ALS2: variants seen among roughly 807,000 people sequenced by gnomAD.
The protein encoded by ALS2 is alsin Rho guanine nucleotide exchange factor ALS2.
Under a neutral mutation model 203.4 loss-of-function variants are expected in ALS2, and 117 were observed. That is an observed-to-expected ratio of 0.58 (90% CI 0.50 to 0.67). ALS2 has a LOEUF of 0.67. Among genes scored for constraint, ALS2 ranks in the 30% least tolerant of loss-of-function variants. ALS2 has a pLI of 0.00. For missense variants in ALS2, 1,715 were observed against 1,989.4 expected, an observed-to-expected ratio of 0.86 and a Z score of 2.62; for synonymous variants, 718 against 725.9, an observed-to-expected ratio of 0.99 and a Z score of 0.17.
intron 12 of ALS2, among the ~76,000 whole-genome samples, chr2:201,735,587 T>C (rs532805380): frequency 1.6e-4 from 24 of 152,362 alleles, no homozygotes; most frequent in African/African-American, 5.8e-4. Context: ...ATTTTAAATA[T>C]TGACTTTGTA....
At chr2:201,702,397 C>T (rs1689447763) in intron 33 of ALS2, among the ~76,000 whole-genome samples, 1 of 143,456 alleles carries the variant, frequency 7.0e-6, no homozygotes, top group Non-Finnish European at 1.5e-5. Flanking sequence ...ATCCAGATAA[C>T]ATGTAACATT....
intron 5 of ALS2, among the ~76,000 whole-genome samples, chr2:201,754,994 G>T (rs369554155): frequency 6.6e-5 from 10 of 152,178 alleles, no homozygotes; most frequent in African/African-American, 2.2e-4. Flanking sequence ...TTTAGCCACA[G>T]AAACCTTTTC....
intron 7 of ALS2, among the ~76,000 whole-genome samples, chr2:201,751,703 T>C (rs563966556): frequency 1.2e-4 from 19 of 152,328 alleles, no homozygotes; most frequent in African/African-American, 4.3e-4. Flanking sequence ...TTTCCAGTTT[T>C]GATGTTATGT....
chr2:201,712,457 T>C (rs1690088452), intron 25 of ALS2, among the ~76,000 whole-genome samples: 1 of 152,250 alleles, frequency 6.6e-6, no homozygotes, highest in Non-Finnish European at 1.5e-5. Flanking sequence ...CAATTTTTCT[T>C]CAATTCCCTT....
At chr2:201,741,082 T>A (rs1433723661) in intron 11 of ALS2, 1 of 154,604 alleles carries the variant, frequency 6.5e-6, no homozygotes, top group African/African-American at 2.4e-5. Context: ...CCTCACATCA[T>A]CATATCAAAA....
Position 201,761,263 on chromosome 2 carries a change from T to A in ALS2, c.731A>T (p.Asp244Val), listed in dbSNP as rs769909842. 29 of 1,614,048 alleles carry A rather than the reference T, an allele frequency of 1.8e-5. No individual in the cohort carries two copies. Among genetic ancestry groups the A allele is most frequent in the Non-Finnish European group, 2.3e-5 (27 of 1,180,054 alleles). Residue 244 changes from aspartate (D) to valine (V), a missense_variant, in exon 4 of 34, where the codon GAC becomes GTC. Asp to Val is a radical substitution (Grantham distance 152). Coordinates refer to ENST00000264276, the MANE Select transcript of ALS2 (RefSeq NM_020919.4). ...TGATATAATCACATGGTCTTCTTTG[T>A]CAGTCATAGTAATCAAGAGCTGGCT... Reference protein sequence around the residue: ...QCSQLLITMTDKEDHVIISDS... With the variant: ...QCSQLLITMTVKEDHVIISDS...
At chr2:201,718,322 C>T (rs1297908547) in intron 23 of ALS2, 112 bp from the exon 24 acceptor site, 21 of 1,207,624 alleles carry the variant, frequency 1.7e-5, no homozygotes, top group African/African-American at 6.1e-5. Flanking sequence ...TGCAGTGATG[C>T]GATCTTGGCT....
At chr2:201,708,820 G>GTCT (rs1250014697) in intron 27 of ALS2, among the ~76,000 whole-genome samples, 1 of 152,026 alleles carries the variant, frequency 6.6e-6, no homozygotes, top group Non-Finnish European at 1.5e-5. Context: ...GCAATATGCA[G>GTCT]TCTTCTCTAT....
Position 201,711,236 on chromosome 2 carries a change from C to T in ALS2, c.4005-128G>A, listed in dbSNP as rs546965252. The T allele has an allele frequency of 1.8e-4, 118 of 668,210 alleles. 2 individuals are homozygous for T. Among genetic ancestry groups the T allele is most frequent in the South Asian group, 1.6e-3 (95 of 60,658 alleles). The allele number at this position is 668,210 out of a possible 1,614,324, so 41.4% of individuals were successfully genotyped here. A position where few individuals can be genotyped will look rare whatever the true frequency, so the allele number is the denominator to read the frequency against. ...GCATCCAACGTAGTACTAAACCCAA[C>T]GAACTCAGAAATCATCACGATCCTG... On this transcript the variant is annotated intron_variant, in intron 25 of 33. Coordinates refer to ENST00000264276, the MANE Select transcript of ALS2 (RefSeq NM_020919.4).
intron 13 of ALS2, 26 bp from the exon 14 acceptor site, chr2:201,729,209 A>G (rs1691387570): frequency 1.3e-6 from 2 of 1,592,834 alleles, no homozygotes; most frequent in Non-Finnish European, 1.7e-6. Flanking sequence ...TAAAGAGGAA[A>G]AAAAAAAAAA....
chr2:201,732,760 C>T lies in ALS2; in HGVS notation c.2580+516G>A, dbSNP rs543267255. ...GTGTGGTGCTAACTTCCTAGGATTC[C>T]ACCTAACTAGTTTTATGTAAGGGTG... is the stretch of plus-strand genomic sequence containing the variant. On this transcript the variant is annotated intron_variant, in intron 13 of 33. Coordinates refer to ENST00000264276, the MANE Select transcript of ALS2 (RefSeq NM_020919.4). Among the ~76,000 whole-genome samples, 13 of 152,226 alleles carry T rather than the reference C, an allele frequency of 8.5e-5. No individual in the cohort carries two copies. In the East Asian group the frequency reaches 2.5e-3, roughly 29 times the overall value.
At chr2:201,742,764 T>A (rs1434940890) in intron 10 of ALS2, among the ~76,000 whole-genome samples, 3 of 152,298 alleles carry the variant, frequency 2.0e-5, no homozygotes, top group Admixed American at 2.0e-4. Context: ...TTTGAAAAGA[T>A]GTTTTTCCAC....
At chr2:201,715,917 T>C in intron 24 of ALS2, 78 bp from the exon 25 acceptor site, 1 of 1,538,000 alleles carries the variant, frequency 6.5e-7, no homozygotes, top group Non-Finnish European at 9.0e-7. Context: ...CTTTCTAACA[T>C]ACAACTGAGA....
At chr2:201,763,998 T>A (rs1255657951) in intron 3 of ALS2, among the ~76,000 whole-genome samples, 1 of 152,202 alleles carries the variant, frequency 6.6e-6, no homozygotes, top group Non-Finnish European at 1.5e-5. Flanking sequence ...GATGAAAACA[T>A]GCAAACTTTA....
chr2:201,738,267 CAGA>C lies in ALS2; in HGVS notation c.2417+400_2417+402del, dbSNP rs555137622. Among the ~76,000 whole-genome samples, 60 of 152,256 alleles carry C rather than the reference CAGA, an allele frequency of 3.9e-4. 3 individuals carry two copies. In the Middle Eastern group the frequency reaches 0.034, roughly 87 times the overall value. The stretch of plus-strand genomic sequence containing the variant: ...GTAAGGAGCCTTTAAATTATTTACC[CAGA>C]AGCTAAATGCAAATAGGTTGTATCT... On this transcript the variant is annotated intron_variant, in intron 12 of 33. Transcript: ENST00000264276.
intron 23 of ALS2, among the ~76,000 whole-genome samples, chr2:201,721,320 A>G (rs985041662): frequency 5.3e-5 from 8 of 152,224 alleles, no homozygotes; most frequent in African/African-American, 1.9e-4. Context: ...CAGTCCTAAA[A>G]TTTATATGAA....
At chr2:201,773,353 G>C (rs914421517) in intron 1 of ALS2, among the ~76,000 whole-genome samples, 1 of 152,134 alleles carries the variant, frequency 6.6e-6, no homozygotes, top group African/African-American at 2.4e-5. Flanking sequence ...ATTTGGTGAA[G>C]AAGAGGTGAA....
At position 201,700,314 on chromosome 2, in the gene ALS2, AC is replaced by A. The variant is rs545046963; in HGVS notation, c.*1536del. ...AAAGAAATAATAGATTTCTTTGGAG[AC>A]CCGTGTCCTTGGGTTATTGGGGTCA... On this transcript the variant is annotated 3_prime_UTR_variant, in exon 34 of 34. Transcript: ENST00000264276. Among the ~76,000 whole-genome samples, 64 of 152,322 alleles carry A rather than the reference AC, an allele frequency of 4.2e-4. No homozygotes were observed. Among genetic ancestry groups the A allele is most frequent in the African/African-American group, 1.5e-3 (61 of 41,574 alleles).
chr2:201,741,588 A>C, intron 11 of ALS2, 86 bp downstream of exon 11: 1 of 1,360,192 alleles, frequency 7.4e-7, no homozygotes, highest in Non-Finnish European at 1.0e-6. Flanking sequence ...CACTCTCCCT[A>C]ATCTAGTCTC....
Sources: allele counts gnomAD v4.1 joint callset (sites outside exome capture counted in the v4.1 genomes callset), GRCh38; gene constraint gnomAD v4.1.1; transcripts MANE v1.5; gene names NCBI Gene and HGNC (gene_info 2026-07-23, HGNC 2026-07-21).